The following RUNX1 variants were observed in gnomAD, a reference collection of about 807,000 sequenced individuals.
The protein encoded by RUNX1 is runt-related transcription factor 1.
In RUNX1, 19 loss-of-function variants were observed where a neutral mutation model predicts 42.8. That is an observed-to-expected ratio of 0.44 (90% CI 0.31 to 0.65). The LOEUF is 0.65. RUNX1 is among the 30% of genes least tolerant of loss of function. The pLI is 0.07. For missense variants in RUNX1, 528 were observed against 672.0 expected, an observed-to-expected ratio of 0.79 and a Z score of 2.37; for synonymous variants, 271 against 289.4, an observed-to-expected ratio of 0.94 and a Z score of 0.64.
intron 2 of RUNX1, among the ~76,000 whole-genome samples, chr21:34,975,202 C>A (rs1005311455): frequency 2.0e-5 from 3 of 152,232 alleles, no homozygotes; most frequent in African/African-American, 7.2e-5. Context: ...TTCATTAGAC[C>A]TCAATACCTA....
At position 34,892,946 on chromosome 21, in the gene RUNX1, T is replaced by A; in HGVS notation, c.76A>T (p.Asn26Tyr). 1 of 1,576,226 alleles carries A rather than the reference T, an allele frequency of 6.3e-7. No individual in the cohort carries two copies. Among genetic ancestry groups the A allele is most frequent in the Non-Finnish European group, 8.7e-7 (1 of 1,146,054 alleles). ...ATACCGTGGACGTCTCTAGAAGGAT[T>A]CATTCCAAGTATGCATTCTGAAATA... ...CFMRECILGM[N>Y]PSRDVHDAST... The change falls in exon 3 of 9, where the codon AAT (asparagine) becomes TAT (tyrosine). Residue 26 changes from asparagine (N) to tyrosine (Y), a missense_variant. Physicochemically the swap from Asn to Tyr is moderately radical, Grantham distance 143. Coordinates refer to ENST00000675419, the MANE Select transcript of RUNX1 (RefSeq NM_001754.5).
intron 7 of RUNX1, chr21:34,821,735 A>G (rs1762618954): frequency 1.3e-6 from 2 of 1,536,190 alleles, no homozygotes. Context: ...AAGTTCGAAA[A>G]TAAGGACAAT....
chr21:34,891,716 AAAAAAT>A (rs894801856), intron 3 of RUNX1, among the ~76,000 whole-genome samples: 4 of 152,166 alleles, frequency 2.6e-5, no homozygotes, highest in African/African-American at 9.7e-5. Context: ...TTAAAAAAAA[AAAAAAT>A]ACAACGAAGC....
At chr21:34,838,659 C>T (rs2057185323) in intron 6 of RUNX1, among the ~76,000 whole-genome samples, 1 of 152,090 alleles carries the variant, frequency 6.6e-6, no homozygotes, top group Non-Finnish European at 1.5e-5. Flanking sequence ...CTTTGATTTG[C>T]TACTGTTTTA....
Position 34,874,610 on chromosome 21 carries a change from C to CAAAAAAAA in RUNX1, c.508+5939_508+5946dup, listed in dbSNP as rs59950735. The stretch of plus-strand genomic sequence containing the variant: ...AGGCAACAAGAGGGAAACTCTGTCT[C>CAAAAAAAA]AAAAAAAAAAAAAAAAAAAAAAAAA... On this transcript the variant is annotated intron_variant, in intron 5 of 8. Transcript: ENST00000675419. 2.3e-3 allele frequency among the ~76,000 whole-genome samples: 59 copies of CAAAAAAAA among 25,294 alleles called. 11 individuals carry two copies. Among genetic ancestry groups the CAAAAAAAA allele is most frequent in the African/African-American group, 8.9e-3 (39 of 4,366 alleles). 16.6% of individuals were successfully genotyped at this position (25,294 alleles called of 152,430 possible). A position where few individuals can be genotyped will look rare whatever the true frequency, so the allele number is the denominator to read the frequency against.
At chr21:34,967,401 T>C (rs1410424217) in intron 2 of RUNX1, among the ~76,000 whole-genome samples, 1 of 138,144 alleles carries the variant, frequency 7.2e-6, no homozygotes, top group Non-Finnish European at 1.5e-5. Flanking sequence ...GATGGAATCA[T>C]GGATGGACCC....
chr21:34,991,987 C>T (rs1472452909), intron 2 of RUNX1, among the ~76,000 whole-genome samples: 1 of 152,192 alleles, frequency 6.6e-6, no homozygotes, highest in Non-Finnish European at 1.5e-5. Context: ...GGAAGGATTT[C>T]CCCCTAGAGC....
At chr21:34,856,573 A>T (rs984669573) in intron 6 of RUNX1, 9 of 402,770 alleles carry the variant, frequency 2.2e-5, no homozygotes, top group Admixed American at 1.6e-4. Flanking sequence ...CATTCTGTTA[A>T]CGCTTCATCA....
chr21:34,817,510 C>T (rs747013761), intron 7 of RUNX1, among the ~76,000 whole-genome samples: 2 of 152,170 alleles, frequency 1.3e-5, no homozygotes, highest in African/African-American at 2.4e-5. Context: ...AAGGATAGGG[C>T]TGCCCATTCC....
chr21:34,799,238 C>G (rs769435402), intron 8 of RUNX1, 63 bp downstream of exon 8: 46 of 1,565,936 alleles, frequency 2.9e-5, no homozygotes, highest in Non-Finnish European at 3.9e-5. Flanking sequence ...CTTCATGCAC[C>G]TCTAGTCTCC....
At chr21:34,955,693 T>G (rs578260989) in intron 2 of RUNX1, among the ~76,000 whole-genome samples, 13 of 152,332 alleles carry the variant, frequency 8.5e-5, no homozygotes, top group African/African-American at 2.9e-4. Flanking sequence ...GGTGAATTTT[T>G]AAGCATTGAT....
intron 2 of RUNX1, among the ~76,000 whole-genome samples, chr21:34,923,421 A>C (rs916741720): frequency 2.6e-5 from 4 of 152,214 alleles, no homozygotes; most frequent in Non-Finnish European, 5.9e-5. Flanking sequence ...CCCTGATGAC[A>C]GTTATGCACG....
intron 2 of RUNX1, among the ~76,000 whole-genome samples, chr21:34,911,118 T>C (rs1050664706): frequency 6.6e-6 from 1 of 152,000 alleles, no homozygotes; most frequent in African/African-American, 2.4e-5. Context: ...TTTTTTGGAG[T>C]TCACTGGGGG....
intron 6 of RUNX1, among the ~76,000 whole-genome samples, chr21:34,835,849 A>T (rs573387501): frequency 3.9e-5 from 6 of 152,288 alleles, no homozygotes; most frequent in African/African-American, 1.2e-4. Flanking sequence ...GGCCCCCTTG[A>T]TTCCACTCCC....
At chr21:34,859,600 C>G in intron 5 of RUNX1, 22 bp from the exon 6 acceptor site, 2 of 1,575,740 alleles carry the variant, frequency 1.3e-6, no homozygotes, top group Non-Finnish European at 1.7e-6. Context: ...CGATAGAGAA[C>G]AAAACAGAAT....
At position 34,891,406 on chromosome 21, in the gene RUNX1, G is replaced by C. The variant is rs1262414987; in HGVS notation, c.97+1519C>G. On this transcript the variant is annotated intron_variant, in intron 3 of 8. Coordinates refer to ENST00000675419, the MANE Select transcript of RUNX1 (RefSeq NM_001754.5). ...GCGCAGCGCGGTGCCCTCTTGAAAAGAAGAAACAGACCAACCTCTGCCCTT... is the reference window on the plus strand; with the variant it reads ...GCGCAGCGCGGTGCCCTCTTGAAAACAAGAAACAGACCAACCTCTGCCCTT... Among the ~76,000 whole-genome samples, 11 of 152,198 alleles carry C rather than the reference G, an allele frequency of 7.2e-5. 1 individual carries two copies. Among genetic ancestry groups the C allele is most frequent in the Admixed American group, 7.2e-4 (11 of 15,282 alleles).
chr21:34,832,888 T>A (rs1238777345), intron 7 of RUNX1: 1 of 152,150 alleles, frequency 6.6e-6, no homozygotes, highest in Non-Finnish European at 1.5e-5. Flanking sequence ...CCCCAAAACA[T>A]CAAGCTTTAG....
chr21:34,800,198 A>G (rs2056589220), intron 7 of RUNX1, among the ~76,000 whole-genome samples: 1 of 152,252 alleles, frequency 6.6e-6, no homozygotes, highest in Non-Finnish European at 1.5e-5. Context: ...GATAGAGAAG[A>G]GACAAAAGTC....
Position 34,890,293 on chromosome 21 carries a change from C to A in RUNX1, c.97+2632G>T, listed in dbSNP as rs1216346162. Among the ~76,000 whole-genome samples the A allele has an allele frequency of 2.0e-5, 3 of 152,282 alleles. No individual in the cohort carries two copies. In the East Asian group the frequency reaches 5.8e-4, roughly 30 times the overall value. On this transcript the variant is annotated intron_variant, in intron 3 of 8. Coordinates refer to ENST00000675419, the MANE Select transcript of RUNX1 (RefSeq NM_001754.5). ...CCCGACGGCGCGGGGCTGTGCGGCC[C>A]GCCTCGTGGCCTTCGGGTCGCCCGG...
Sources: gnomAD v4.1 joint callset for allele counts (sites outside exome capture counted in the v4.1 genomes callset) on GRCh38, gnomAD v4.1.1 for gene constraint, MANE v1.5 for transcripts, NCBI Gene and HGNC (gene_info 2026-07-23, HGNC 2026-07-21) for gene names.